MACROD2: variants seen among roughly 807,000 people sequenced by gnomAD.
MACROD2 encodes ADP-ribose glycohydrolase MACROD2.
Under a neutral mutation model 70.4 loss-of-function variants are expected in MACROD2, and 36 were observed. The ratio of observed to expected loss-of-function variants is 0.51; its 90% CI spans 0.39 to 0.68. The LOEUF (loss-of-function observed/expected upper bound fraction) is 0.68, where lower values mean the gene tolerates loss of function less well. Ranked by LOEUF, MACROD2 falls within the 30% of genes least tolerant of loss-of-function variation. MACROD2 has a pLI of 0.00. For synonymous variants in MACROD2, 172 were observed against 178.8 expected (o/e 0.96, Z 0.30); for missense variants, 496 against 538.4 (o/e 0.92, Z 0.78).
At chr20:14,726,358 G>T (rs1000797814) in intron 5 of MACROD2, among the ~76,000 whole-genome samples, 1 of 152,154 alleles carries the variant, frequency 6.6e-6, no homozygotes, top group African/African-American at 2.4e-5. Context: ...CAAAGGTTAC[G>T]CTTGATGCTT....
chr20:15,152,719 C>T (rs1404447972), intron 5 of MACROD2, among the ~76,000 whole-genome samples: 1 of 152,014 alleles, frequency 6.6e-6, no homozygotes, highest in African/African-American at 2.4e-5. Flanking sequence ...AGGACCAAAG[C>T]AGGCGTCCCT....
At chr20:15,689,612 T>C (rs529480024) in intron 8 of MACROD2, among the ~76,000 whole-genome samples, 4 of 152,114 alleles carry the variant, frequency 2.6e-5, no homozygotes, top group East Asian at 3.9e-4. Context: ...ATTTCTAAGA[T>C]TGGAATAAGC....
chr20:14,606,494 A>C (rs186973051), intron 4 of MACROD2, among the ~76,000 whole-genome samples: 3 of 152,170 alleles, frequency 2.0e-5, no homozygotes, highest in African/African-American at 4.8e-5. Context: ...TGTGATTACT[A>C]TTTTACCCTA....
At chr20:14,867,937 C>G (rs1325598237) in intron 5 of MACROD2, among the ~76,000 whole-genome samples, 1 of 152,044 alleles carries the variant, frequency 6.6e-6, no homozygotes, top group Non-Finnish European at 1.5e-5. Context: ...AAGGCTTATA[C>G]CTCAATCACA....
At chr20:15,655,105 ATG>A (rs561197461) in intron 8 of MACROD2, among the ~76,000 whole-genome samples, 34 of 151,502 alleles carry the variant, frequency 2.2e-4, no homozygotes, top group African/African-American at 6.8e-4. Context: ...GAAAAATACA[ATG>A]TGTGTGTGTG....
intron 4 of MACROD2, among the ~76,000 whole-genome samples, chr20:14,683,719 A>G (rs2070963403): frequency 1.3e-5 from 2 of 152,132 alleles, no homozygotes; most frequent in South Asian, 4.1e-4. Flanking sequence ...AAATAATAAT[A>G]ATGATAATGA....
At chr20:15,426,416 C>T (rs148569519) in intron 6 of MACROD2, among the ~76,000 whole-genome samples, 63 of 152,068 alleles carry the variant, frequency 4.1e-4, no homozygotes, top group African/African-American at 1.3e-3. Context: ...GGAATCATGG[C>T]TCACTGCAGC....
At chr20:14,372,088 T>C (rs2083330203) in intron 3 of MACROD2, among the ~76,000 whole-genome samples, 1 of 152,180 alleles carries the variant, frequency 6.6e-6, no homozygotes, top group Non-Finnish European at 1.5e-5. Flanking sequence ...TGATTTTGCT[T>C]ATCATCATAA....
In MACROD2 at chr20:15,494,736, G is replaced by T. The variant is rs919859499; in HGVS notation, c.572-5038G>T. 5.4e-5 allele frequency among the ~76,000 whole-genome samples: 6 copies of T among 110,218 alleles called. No individual in the cohort carries two copies. In the East Asian group the frequency reaches 7.6e-4, roughly 14 times the overall value. 72.3% of individuals were successfully genotyped at this position (110,218 alleles called of 152,430 possible). A position where few individuals can be genotyped will look rare whatever the true frequency, so the allele number is the denominator to read the frequency against. ...TCTTATACCTTGAGCTGCATAATGG[G>T]GTGTGTGTGTGTGTGTGTGTGTGTG... On this transcript the variant is annotated intron_variant, in intron 7 of 17. Transcript: ENST00000684519.
At chr20:14,708,447 C>T (rs555211953) in intron 5 of MACROD2, among the ~76,000 whole-genome samples, 1 of 152,290 alleles carries the variant, frequency 6.6e-6, no homozygotes, top group South Asian at 2.1e-4. Flanking sequence ...GACCTGGGGA[C>T]TGTAGTTTGC....
At chr20:14,529,845 G>C (rs2085280742) in intron 4 of MACROD2, among the ~76,000 whole-genome samples, 1 of 152,150 alleles carries the variant, frequency 6.6e-6, no homozygotes, top group East Asian at 1.9e-4. Context: ...ATATGGCAGT[G>C]GTTTCAGAAA....
At chr20:15,565,778 C>T (rs576528699) in intron 8 of MACROD2, among the ~76,000 whole-genome samples, 5 of 152,184 alleles carry the variant, frequency 3.3e-5, no homozygotes, top group South Asian at 2.1e-4. Context: ...TTTACAGACG[C>T]GGTCTGGCTG....
chr20:14,183,010 G>A (rs186454885), intron 3 of MACROD2, among the ~76,000 whole-genome samples: 1 of 149,142 alleles, frequency 6.7e-6, no homozygotes. Context: ...TGTGAGTGCA[G>A]TTTGTTGTCT....
At chr20:14,283,394 T>C (rs1251900241) in intron 3 of MACROD2, among the ~76,000 whole-genome samples, 1 of 152,160 alleles carries the variant, frequency 6.6e-6, no homozygotes, top group Non-Finnish European at 1.5e-5. Flanking sequence ...TTTTTCAATA[T>C]GGTATAAAAA....
chr20:15,207,436 G>GTTTTTTTTTTTTTTTTTT (rs548522491), intron 5 of MACROD2, among the ~76,000 whole-genome samples: 2 of 84,586 alleles, frequency 2.4e-5, no homozygotes, highest in African/African-American at 5.6e-5. Flanking sequence ...TTTGTTTCTG[G>GTTTTTTTTTTTTTTTTTT]TTTTTTTTTT....
intron 4 of MACROD2, among the ~76,000 whole-genome samples, chr20:14,652,163 T>C (rs2123512703): frequency 6.6e-6 from 1 of 152,320 alleles, no homozygotes; most frequent in South Asian, 2.1e-4. Flanking sequence ...TTAATTATTT[T>C]ACATATAAGT....
intron 6 of MACROD2, among the ~76,000 whole-genome samples, chr20:15,332,197 T>C (rs2078000321): frequency 6.6e-6 from 1 of 151,564 alleles, no homozygotes; most frequent in African/African-American, 2.4e-5. Flanking sequence ...AAATATTCTT[T>C]TAATGCAAAA....
chr20:15,184,343 C>G (rs2076520597), intron 5 of MACROD2, among the ~76,000 whole-genome samples: 2 of 152,142 alleles, frequency 1.3e-5, no homozygotes, highest in South Asian at 4.2e-4. Context: ...ATGACCTGCT[C>G]TGTCCACTGC....
chr20:15,890,434 G>C (rs2064873428), intron 10 of MACROD2, among the ~76,000 whole-genome samples: 1 of 152,162 alleles, frequency 6.6e-6, no homozygotes, highest in Admixed American at 6.5e-5. Context: ...CTCCCAGTGA[G>C]GTTGCAAATG....
Sources: gnomAD v4.1 joint callset for allele counts (sites outside exome capture counted in the v4.1 genomes callset) on GRCh38, gnomAD v4.1.1 for gene constraint, MANE v1.5 for transcripts, NCBI Gene and HGNC (gene_info 2026-07-23, HGNC 2026-07-21) for gene names.